The following LUC7L variants were observed in gnomAD, a reference collection of about 807,000 sequenced individuals.
LUC7L encodes the protein putative RNA-binding protein Luc7-like 1.
LUC7L carries 29 observed loss-of-function variants against 51.1 expected under a neutral mutation model. The ratio of observed to expected loss-of-function variants is 0.57; its 90% confidence interval spans 0.42 to 0.77. The LOEUF (loss-of-function observed/expected upper bound fraction) is 0.77, where lower values mean the gene tolerates loss of function less well. Ranked by LOEUF, LUC7L falls within the 30% of genes least tolerant of loss-of-function variation. The probability of loss-of-function intolerance (pLI) is 0.00; values close to 1 mark genes in which losing one functional copy is unlikely to be tolerated. For missense variants in LUC7L, 403 were observed against 511.9 expected (o/e 0.79, Z 2.05); for synonymous variants, 181 against 180.7 (o/e 1.00, Z -0.01).
Position 229,391 on chromosome 16 carries a change from C to T in LUC7L, c.-52G>A, listed in dbSNP as rs768811026. The T allele has an allele frequency of 2.8e-6, 4 of 1,418,914 alleles. No homozygotes were observed. The African/African-American group carries it at 4.5e-5, about 16-fold the overall frequency. The allele number at this position is 1,418,914 out of a possible 1,614,324, so 87.9% of individuals were successfully genotyped here. ...GCCGCGACGACTTCTCTCAGGCAGG[C>T]GGTGGCAGCGGCGTCGACAAACGAT... On this transcript the variant is annotated 5_prime_UTR_variant, in exon 1 of 10. Coordinates refer to ENST00000293872, the MANE Select transcript of LUC7L (RefSeq NM_201412.3).
chr16:204,639 T>C (rs995651433), intron 5 of LUC7L, among the ~76,000 whole-genome samples: 19 of 150,912 alleles, frequency 1.3e-4, no homozygotes, highest in Admixed American at 5.3e-4. Flanking sequence ...GAAAATAAAA[T>C]ACATTTATAG....
At chr16:221,713 A>G (rs12103033) in intron 2 of LUC7L, among the ~76,000 whole-genome samples, 3,203 of 149,174 alleles carry the variant, frequency 0.021, 92 homozygotes, top group African/African-American at 0.073. Context: ...AGAAAAGGGG[A>G]AAAAAAAAAG....
intron 3 of LUC7L, chr16:209,824 T>C (rs535791621): frequency 3.9e-5 from 6 of 152,280 alleles, no homozygotes. Flanking sequence ...TGATCTTCTC[T>C]AGAAATCTTA....
intron 4 of LUC7L, 136 bp downstream of exon 4, chr16:207,942 G>A (rs1358911542): frequency 5.4e-6 from 3 of 553,250 alleles, no homozygotes; most frequent in Non-Finnish European, 9.5e-6. Context: ...CCGGGAGGCG[G>A]AGCTTGCACT....
intron 3 of LUC7L, among the ~76,000 whole-genome samples, chr16:215,467 A>C (rs2049765728): frequency 6.6e-6 from 1 of 151,726 alleles, no homozygotes; most frequent in South Asian, 2.1e-4. Context: ...AAAAATACAA[A>C]AAATTAGCCA....
chr16:229,257 C>A, intron 1 of LUC7L, 22 bp downstream of exon 1: 1 of 1,531,718 alleles, frequency 6.5e-7, no homozygotes, highest in Non-Finnish European at 8.7e-7. Context: ...AGACCCTCGC[C>A]TGGTTGGCCG....
intron 5 of LUC7L, among the ~76,000 whole-genome samples, 167 bp from the exon 6 acceptor site, chr16:199,405 G>C (rs974514666): frequency 2.0e-5 from 3 of 152,174 alleles, no homozygotes; most frequent in Admixed American, 2.0e-4. Flanking sequence ...AATTTTCACT[G>C]TTTATTTAAG....
intron 3 of LUC7L, among the ~76,000 whole-genome samples, chr16:211,429 GC>G (rs2049637686): frequency 1.3e-5 from 2 of 152,130 alleles, no homozygotes; most frequent in Non-Finnish European, 2.9e-5. Context: ...CTGCACTCCA[GC>G]CTGGGCGACA....
chr16:225,121 G>A (rs1371424661), intron 2 of LUC7L, among the ~76,000 whole-genome samples: 1 of 152,104 alleles, frequency 6.6e-6, no homozygotes, highest in Non-Finnish European at 1.5e-5. Context: ...CACAACCTGT[G>A]TTCTCTTCTG....
intron 6 of LUC7L, among the ~76,000 whole-genome samples, chr16:195,605 G>A (rs931220850): frequency 6.6e-6 from 1 of 152,124 alleles, no homozygotes; most frequent in African/African-American, 2.4e-5. Flanking sequence ...TAAATTTTTG[G>A]TAGAGACAGG....
In LUC7L at chr16:190,124, C is replaced by T. The variant is rs776259176; in HGVS notation, c.818G>A (p.Arg273Gln). The T allele has an allele frequency of 3.1e-6, 5 of 1,610,656 alleles. No individual in the cohort carries two copies. The highest frequency in any genetic ancestry group is 1.3e-5 in the African/African-American group (1 of 74,974). ...TCTTGACCGCCTCCGACGCCGATCC[C>T]GGGAGCGTGACCTGAACAATCAGAA... ...RTRDRRRSRSRDRRRRRSRST... is the reference protein window; with the variant it reads ...RTRDRRRSRSQDRRRRRSRST... Residue 273 changes from arginine to glutamine, a missense_variant, in exon 9 of 10, where the codon CGG becomes CAG. Arg to Gln is a conservative substitution (Grantham distance 43). Coordinates refer to ENST00000293872, the MANE Select transcript of LUC7L (RefSeq NM_201412.3).
Position 197,260 on chromosome 16 carries a change from C to T in LUC7L, c.687+1802G>A, listed in dbSNP as rs368253574. On this transcript the variant is annotated intron_variant, in intron 6 of 9. Coordinates refer to ENST00000293872, the MANE Select transcript of LUC7L (RefSeq NM_201412.3). ...ACGGAGTCTTGCTCTGTCTCGTAGGCTGGAGTGCAGTGGCACAATTTCAGC... is the reference window on the plus strand; with the variant it reads ...ACGGAGTCTTGCTCTGTCTCGTAGGTTGGAGTGCAGTGGCACAATTTCAGC... 6.1e-4 allele frequency among the ~76,000 whole-genome samples: 79 copies of T among 130,372 alleles called. No individual in the cohort carries two copies. In the South Asian group the frequency reaches 0.02, roughly 34 times the overall value. 85.5% of individuals were successfully genotyped at this position (130,372 alleles called of 152,430 possible).
chr16:210,579 C>T (rs2049610800), intron 3 of LUC7L, among the ~76,000 whole-genome samples: 1 of 152,140 alleles, frequency 6.6e-6, no homozygotes, highest in African/African-American at 2.4e-5. Flanking sequence ...TGGCCCTGTA[C>T]TGTCTGCTCA....
At chr16:202,964 A>G (rs1339700280) in intron 5 of LUC7L, among the ~76,000 whole-genome samples, 1 of 152,162 alleles carries the variant, frequency 6.6e-6, no homozygotes, top group Non-Finnish European at 1.5e-5. Flanking sequence ...CCTGACCGAC[A>G]TGGTGAAACC....
At chr16:210,235 T>C (rs996991025) in intron 3 of LUC7L, among the ~76,000 whole-genome samples, 11 of 152,054 alleles carry the variant, frequency 7.2e-5, no homozygotes, top group African/African-American at 2.4e-4. Context: ...TGCAGTGAAC[T>C]GAGATCGCGC....
At chr16:222,075 G>T (rs928616808) in intron 2 of LUC7L, among the ~76,000 whole-genome samples, 11 of 152,152 alleles carry the variant, frequency 7.2e-5, no homozygotes, top group Admixed American at 7.2e-4. Flanking sequence ...GATTTATGTT[G>T]TCAGTAAGAA....
At chr16:200,985 AG>A (rs2049307568) in intron 5 of LUC7L, among the ~76,000 whole-genome samples, 1 of 151,462 alleles carries the variant, frequency 6.6e-6, no homozygotes, top group Non-Finnish European at 1.5e-5. Flanking sequence ...GAGTCCGAGA[AG>A]GTGAAACCCC....
intron 3 of LUC7L, 78 bp downstream of exon 3, chr16:220,571 A>C: frequency 9.4e-7 from 1 of 1,063,454 alleles, no homozygotes; most frequent in Admixed American, 1.9e-5. Flanking sequence ...TTCATAACTT[A>C]CGTATGTTAC....
chr16:189,734 C>T (rs1314987027), intron 9 of LUC7L: 1 of 1,388,136 alleles, frequency 7.2e-7, no homozygotes, highest in South Asian at 1.8e-5. Flanking sequence ...AGTGCACAGG[C>T]CCCAGGACGC....
Sources: gnomAD v4.1 joint callset for allele counts (sites outside exome capture counted in the v4.1 genomes callset) on GRCh38, gnomAD v4.1.1 for gene constraint, MANE v1.5 for transcripts, NCBI Gene and HGNC (gene_info 2026-07-23, HGNC 2026-07-21) for gene names.